The following RNF150 variants were observed in gnomAD, a reference collection of about 807,000 sequenced individuals.
The protein encoded by RNF150 is ring finger protein 150.
Under a neutral mutation model 39.3 loss-of-function variants are expected in RNF150, and 24 were observed. The ratio of observed to expected loss-of-function variants is 0.61; its 90% CI spans 0.44 to 0.86. The LOEUF (loss-of-function observed/expected upper bound fraction) is 0.86. RNF150 is among the 40% of genes least tolerant of loss of function. RNF150 has a pLI of 0.00. For synonymous variants in RNF150, 255 were observed against 227.3 expected (o/e 1.12, Z -1.10); for missense variants, 502 against 587.8 (o/e 0.85, Z 1.51).
At chr4:140,967,965 C>T in intron 1 of RNF150, 92 bp from the exon 2 acceptor site, 1 of 1,090,626 alleles carries the variant, frequency 9.2e-7, no homozygotes, top group Non-Finnish European at 1.3e-6. Flanking sequence ...AACACGAAAC[C>T]AAATAAGGAC....
intron 1 of RNF150, among the ~76,000 whole-genome samples, chr4:141,116,534 T>C (rs961259891): frequency 2.0e-5 from 3 of 152,220 alleles, no homozygotes; most frequent in Non-Finnish European, 4.4e-5. Context: ...GCTTTTACAC[T>C]GTTGGTGGGA....
At chr4:141,044,359 T>C (rs770411184) in intron 1 of RNF150, among the ~76,000 whole-genome samples, 15 of 152,188 alleles carry the variant, frequency 9.9e-5, no homozygotes, top group Non-Finnish European at 1.5e-4. Flanking sequence ...ATTCTATAGA[T>C]GAGCACTGTT....
intron 1 of RNF150, among the ~76,000 whole-genome samples, chr4:141,087,814 T>C (rs1016770702): frequency 6.6e-6 from 1 of 152,198 alleles, no homozygotes; most frequent in African/African-American, 2.4e-5. Context: ...ACATCTTTTG[T>C]AACACTGTTT....
At chr4:141,140,235 T>G (rs1727095575) in intron 1 of RNF150, among the ~76,000 whole-genome samples, 2 of 152,222 alleles carry the variant, frequency 1.3e-5, no homozygotes, top group South Asian at 4.1e-4. Flanking sequence ...CTTCTTAAAT[T>G]TCAGAACAAT....
intron 1 of RNF150, among the ~76,000 whole-genome samples, chr4:141,010,217 G>A (rs1425877833): frequency 1.3e-5 from 2 of 152,178 alleles, no homozygotes; most frequent in Non-Finnish European, 2.9e-5. Flanking sequence ...GAAGTAGATG[G>A]AGATTTTCCA....
At chr4:141,206,146 G>A (rs116568925) in intron 1 of RNF150, among the ~76,000 whole-genome samples, 2 of 151,958 alleles carry the variant, frequency 1.3e-5, no homozygotes, top group African/African-American at 2.4e-5. Flanking sequence ...CTGGCCGGGC[G>A]TGGTGGCTCA....
At chr4:141,143,824 C>G (rs781470003) in intron 1 of RNF150, among the ~76,000 whole-genome samples, 1 of 152,150 alleles carries the variant, frequency 6.6e-6, no homozygotes, top group Non-Finnish European at 1.5e-5. Flanking sequence ...TTTCCCTCAC[C>G]CTTCAAAGGA....
intron 1 of RNF150, among the ~76,000 whole-genome samples, chr4:140,977,736 A>C (rs1358446123): frequency 1.3e-5 from 2 of 152,148 alleles, no homozygotes; most frequent in African/African-American, 4.8e-5. Flanking sequence ...CAATCAACTT[A>C]TTTGAATTCA....
At chr4:140,970,986 C>G (rs1310181555) in intron 1 of RNF150, among the ~76,000 whole-genome samples, 1 of 151,994 alleles carries the variant, frequency 6.6e-6, no homozygotes, top group East Asian at 1.9e-4. Context: ...CTAATAGAAA[C>G]AGTCACTAAG....
At chr4:140,918,703 G>C (rs1399874981) in intron 5 of RNF150, among the ~76,000 whole-genome samples, 1 of 143,748 alleles carries the variant, frequency 7.0e-6, no homozygotes, top group Non-Finnish European at 1.5e-5. Flanking sequence ...GCATCATCCT[G>C]ATACCAAAGC....
intron 6 of RNF150, among the ~76,000 whole-genome samples, chr4:140,900,344 A>G (rs934984182): frequency 1.3e-5 from 2 of 152,206 alleles, no homozygotes; most frequent in Non-Finnish European, 2.9e-5. Context: ...ATGGGTTGCC[A>G]ATTTACTGAT....
chr4:140,989,036 T>C (rs1223708995), intron 1 of RNF150, among the ~76,000 whole-genome samples: 1 of 152,132 alleles, frequency 6.6e-6, no homozygotes, highest in Admixed American at 6.6e-5. Context: ...TGTCCTCATT[T>C]GAAGCATTTT....
At chr4:140,993,488 A>G (rs1426911687) in intron 1 of RNF150, among the ~76,000 whole-genome samples, 4 of 152,180 alleles carry the variant, frequency 2.6e-5, no homozygotes, top group Non-Finnish European at 5.9e-5. Context: ...TTTGGCAGCA[A>G]TTATTCTGCC....
intron 1 of RNF150, among the ~76,000 whole-genome samples, chr4:141,202,070 C>T (rs1318857931): frequency 1.3e-5 from 2 of 152,096 alleles, no homozygotes; most frequent in Non-Finnish European, 2.9e-5. Flanking sequence ...TCTGATAGTA[C>T]CTTGAGCTTG....
chr4:141,057,235 A>C (rs896228278), intron 1 of RNF150, among the ~76,000 whole-genome samples: 29 of 152,108 alleles, frequency 1.9e-4, no homozygotes, highest in African/African-American at 7.0e-4. Context: ...AATAAATGTT[A>C]ATTCTTATTT....
intron 2 of RNF150, among the ~76,000 whole-genome samples, chr4:140,952,119 C>G (rs1222531434): frequency 1.3e-5 from 2 of 152,034 alleles, no homozygotes; most frequent in Non-Finnish European, 2.9e-5. Context: ...AAGTGATTCC[C>G]CTTGCCTCAG....
At chr4:141,097,605 G>C (rs1738842760) in intron 1 of RNF150, among the ~76,000 whole-genome samples, 1 of 151,460 alleles carries the variant, frequency 6.6e-6, no homozygotes, top group South Asian at 2.1e-4. Context: ...TCTAATACTA[G>C]ATATTGTGCT....
At chr4:141,003,591 ACAC>A (rs1734753281) in intron 1 of RNF150, among the ~76,000 whole-genome samples, 1 of 151,724 alleles carries the variant, frequency 6.6e-6, no homozygotes. Context: ...ACACACACAC[ACAC>A]ACACACACAC....
At position 140,860,918 on chromosome 4, in the gene RNF150, C is replaced by G. The variant is rs2111158752; in HGVS notation, c.*7343G>C. On this transcript the variant is annotated 3_prime_UTR_variant, in exon 7 of 7. Transcript: ENST00000515673. ...GAAACCAGAATAATCATCCTCCCAG[C>G]TCATGAACATTTTAAAGAACAATAC... 1 of 152,208 alleles carries G rather than the reference C, an allele frequency of 6.6e-6. No individual in the cohort carries two copies. Among genetic ancestry groups the G allele is most frequent in the Non-Finnish European group, 1.5e-5 (1 of 68,008 alleles). 9.4% of individuals were successfully genotyped at this position (152,208 alleles called of 1,614,324 possible).
Sources: allele counts gnomAD v4.1 joint callset (sites outside exome capture counted in the v4.1 genomes callset), GRCh38; gene constraint gnomAD v4.1.1; transcripts MANE v1.5; gene names NCBI Gene and HGNC (gene_info 2026-07-23, HGNC 2026-07-21).